REV3L: variants seen among roughly 807,000 people sequenced by gnomAD.
The protein encoded by REV3L is DNA polymerase zeta catalytic subunit.
In REV3L, 69 loss-of-function variants were observed where a neutral mutation model predicts 299.4. The observed-to-expected ratio is 0.23, with a 90% CI of 0.19 to 0.28. The LOEUF (loss-of-function observed/expected upper bound fraction) is 0.28, where lower values mean the gene tolerates loss of function less well. REV3L is among the 10% of genes least tolerant of loss of function. The pLI, the probability that REV3L is intolerant of heterozygous loss-of-function variation, is 1.00. For missense variants in REV3L, 3,128 were observed against 3,693.8 expected (o/e 0.85, Z 3.97); for synonymous variants, 1,238 against 1,271.4 (o/e 0.97, Z 0.56).
intron 21 of REV3L, among the ~76,000 whole-genome samples, chr6:111,339,846 C>A (rs1776306484): frequency 6.6e-6 from 1 of 152,056 alleles, no homozygotes; most frequent in Admixed American, 6.6e-5. Context: ...GTAATTGTGG[C>A]CTTTACTTAT....
intron 25 of REV3L, among the ~76,000 whole-genome samples, chr6:111,326,766 A>G (rs923709537): frequency 6.6e-6 from 1 of 152,156 alleles, no homozygotes; most frequent in Non-Finnish European, 1.5e-5. Context: ...GTACAATGGA[A>G]TATCATACAG....
At chr6:111,398,518 C>T (rs1434787254) in intron 4 of REV3L, among the ~76,000 whole-genome samples, 2 of 151,900 alleles carry the variant, frequency 1.3e-5, no homozygotes, top group Non-Finnish European at 2.9e-5. Context: ...TTCATTTGAC[C>T]ACTGATTATA....
chr6:111,421,015 A>C (rs1395494851), intron 1 of REV3L, among the ~76,000 whole-genome samples: 2 of 152,014 alleles, frequency 1.3e-5, no homozygotes. Context: ...GTAGTCCCAG[A>C]CACTCGGGAG....
At chr6:111,359,161 T>C (rs879822716) in intron 16 of REV3L, 147 bp from the exon 17 acceptor site, 78 of 522,628 alleles carry the variant, frequency 1.5e-4, no homozygotes, top group African/African-American at 1.5e-3. Flanking sequence ...GCACTCCATA[T>C]ATTAAAACGA....
intron 23 of REV3L, 28 bp from the exon 24 acceptor site, chr6:111,331,812 T>TA (rs1775409224): frequency 7.4e-7 from 1 of 1,357,454 alleles, no homozygotes; most frequent in South Asian, 1.2e-5. Context: ...ATTAAGCAAA[T>TA]ACTTCCTCAA....
chr6:111,385,749 T>C (rs755284642), intron 9 of REV3L, among the ~76,000 whole-genome samples: 5 of 151,870 alleles, frequency 3.3e-5, no homozygotes, highest in Non-Finnish European at 7.4e-5. Flanking sequence ...ATCTAGAAAA[T>C]ATGAAGAACT....
At chr6:111,333,735 CA>C (rs750247462) in intron 22 of REV3L, among the ~76,000 whole-genome samples, 12 of 152,076 alleles carry the variant, frequency 7.9e-5, no homozygotes, top group Non-Finnish European at 1.6e-4. Flanking sequence ...CTCAGCCTCC[CA>C]AAGTGCTGGG....
intron 31 of REV3L, among the ~76,000 whole-genome samples, chr6:111,305,819 A>G (rs1772222323): frequency 6.6e-6 from 1 of 152,004 alleles, no homozygotes; most frequent in South Asian, 2.1e-4. Context: ...CAGCAAGGGA[A>G]TTTTCTATGA....
chr6:111,483,526 AG>A (rs1477895187), upstream of REV3L: 4 of 496,248 alleles, frequency 8.1e-6, no homozygotes, highest in Admixed American at 2.4e-5. Flanking sequence ...GGCTTGCGGG[AG>A]GGGGGCGCCA....
intron 1 of REV3L, among the ~76,000 whole-genome samples, chr6:111,461,031 C>T (rs551110326): frequency 1.1e-4 from 17 of 152,244 alleles, no homozygotes; most frequent in African/African-American, 4.1e-4. Flanking sequence ...ATCATGGTAA[C>T]AGTTACTAGC....
At position 111,329,522 on chromosome 6, in the gene REV3L, T is replaced by C; in HGVS notation, c.8241+10A>G. The stretch of plus-strand genomic sequence containing the variant: ...CTCTTTTGAAAAAACTACAGATTTG[T>C]ATCACTTACCTCAATGCATGGCATT... On this transcript the variant is annotated intron_variant, in intron 25 of 31. Transcript: ENST00000368802. 1 of 1,613,116 alleles carries C rather than the reference T, an allele frequency of 6.2e-7. No homozygotes were observed. Among genetic ancestry groups the C allele is most frequent in the Non-Finnish European group, 8.5e-7 (1 of 1,179,168 alleles).
chr6:111,449,357 G>A (rs965569030), intron 1 of REV3L, among the ~76,000 whole-genome samples: 1 of 151,984 alleles, frequency 6.6e-6, no homozygotes, highest in Non-Finnish European at 1.5e-5. Flanking sequence ...TGAAGGCCAT[G>A]CTTGTTAGAA....
chr6:111,414,165 G>A (rs1582898154), intron 2 of REV3L, among the ~76,000 whole-genome samples: 2 of 152,112 alleles, frequency 1.3e-5, no homozygotes, highest in African/African-American at 4.8e-5. Context: ...AACAAATAAT[G>A]GGCTGAGATA....
chr6:111,476,228 T>TG (rs1173430495), intron 1 of REV3L, among the ~76,000 whole-genome samples: 2 of 152,184 alleles, frequency 1.3e-5, no homozygotes, highest in African/African-American at 4.8e-5. Context: ...CAATCATGGC[T>TG]CACTGCAGCC....
At chr6:111,460,244 C>A (rs1416352839) in intron 1 of REV3L, 1 of 151,940 alleles carries the variant, frequency 6.6e-6, no homozygotes, top group African/African-American at 2.4e-5. Context: ...AAGATGGGAA[C>A]AAACAGACAC....
chr6:111,303,751 G>C (rs1399819585), intron 31 of REV3L, among the ~76,000 whole-genome samples: 1 of 94,334 alleles, frequency 1.1e-5, no homozygotes, highest in East Asian at 4.1e-4. Flanking sequence ...ATGGAGTCTT[G>C]CTCTGTCACC....
At position 111,375,052 on chromosome 6, in the gene REV3L, C is replaced by T; in HGVS notation, c.3303G>A (p.Leu1101=). The T allele has an allele frequency of 6.2e-7, 1 of 1,613,984 alleles. No homozygotes were observed. ...SYNAETEDCD[L]NYSDVMSKLG... ...GTTTAGACATAACATCACTATAATT[C>T]AGGTCACAATCTTCGGTTTCAGCAT... Residue 1101 remains leucine (L), a synonymous_variant, in exon 13 of 32, where the codon CTG becomes CTA. Transcript: ENST00000368802.
intron 1 of REV3L, among the ~76,000 whole-genome samples, chr6:111,476,661 C>G (rs1231290034): frequency 2.6e-5 from 4 of 152,104 alleles, no homozygotes; most frequent in African/African-American, 9.7e-5. Flanking sequence ...TGTCATGTGC[C>G]AAAACCATGT....
chr6:111,470,414 GTTAA>G (rs1388823320), intron 1 of REV3L, among the ~76,000 whole-genome samples: 2 of 152,142 alleles, frequency 1.3e-5, no homozygotes, highest in Non-Finnish European at 1.5e-5. Context: ...TTTAGGCAAA[GTTAA>G]TTAACCTCTC....
Sources: allele counts gnomAD v4.1 joint callset (sites outside exome capture counted in the v4.1 genomes callset), GRCh38; gene constraint gnomAD v4.1.1; transcripts MANE v1.5; gene names NCBI Gene and HGNC (gene_info 2026-07-23, HGNC 2026-07-21).